The following FGF12 variants were observed in gnomAD, a reference collection of about 807,000 sequenced individuals.
The protein encoded by FGF12 is fibroblast growth factor 12B.
In FGF12, 14 loss-of-function variants were observed where a neutral mutation model predicts 23.6. That is an observed-to-expected ratio of 0.59 (90% CI 0.39 to 0.93). The LOEUF is 0.93. Among genes scored for constraint, FGF12 ranks in the 40% least tolerant of loss-of-function variants. The probability of loss-of-function intolerance (pLI) is 0.00; values close to 1 mark genes in which losing one functional copy is unlikely to be tolerated. For synonymous variants in FGF12, 62 were observed against 77.3 expected, an observed-to-expected ratio of 0.80 and a Z score of 1.04; for missense variants, 175 against 217.8, an observed-to-expected ratio of 0.80 and a Z score of 1.24.
At chr3:192,276,117 C>T (rs1384003019) in intron 4 of FGF12, among the ~76,000 whole-genome samples, 2 of 152,214 alleles carry the variant, frequency 1.3e-5, no homozygotes. Flanking sequence ...TAAAGAGGCT[C>T]ATATATGCAG....
At chr3:192,684,972 C>T (rs919419874) in intron 2 of FGF12, among the ~76,000 whole-genome samples, 1 of 152,154 alleles carries the variant, frequency 6.6e-6, no homozygotes, top group Admixed American at 6.5e-5. Context: ...GCATATTTAC[C>T]TCCTTGTGCC....
Position 192,154,528 on chromosome 3 carries a change from TAACA to T in FGF12, c.428-10405_428-10402del, listed in dbSNP as rs933652799. ...CCTTTCTGTTTGTTAGTTTTCCTTC[TAACA>T]GACAGGACCCTCAGCTGCAGGTCTG... On this transcript the variant is annotated intron_variant, in intron 5 of 5. Transcript: ENST00000445105. Among the ~76,000 whole-genome samples, 11 of 150,664 alleles carry T rather than the reference TAACA, an allele frequency of 7.3e-5. No individual in the cohort carries two copies. The Admixed American group carries it at 7.3e-4, about 10-fold the overall frequency.
intron 4 of FGF12, among the ~76,000 whole-genome samples, chr3:192,294,991 T>C (rs565193141): frequency 3.3e-5 from 5 of 152,312 alleles, no homozygotes; most frequent in Admixed American, 3.3e-4. Context: ...GCAGGTTAAT[T>C]ATCCTACCAA....
At chr3:192,707,772 C>A (rs1028863856) in intron 2 of FGF12, among the ~76,000 whole-genome samples, 227 of 103,486 alleles carry the variant, frequency 2.2e-3, no homozygotes, top group African/African-American at 7.5e-3. Context: ...AGAATGAGAA[C>A]AACAGAGAAT....
At chr3:192,468,991 G>A (rs115365866) in intron 2 of FGF12, among the ~76,000 whole-genome samples, 58 of 151,888 alleles carry the variant, frequency 3.8e-4, no homozygotes, top group African/African-American at 1.3e-3. Context: ...CTTTTATCCC[G>A]TGGATTAAAA....
At chr3:192,242,104 A>T (rs1324120451) in intron 4 of FGF12, among the ~76,000 whole-genome samples, 1 of 152,244 alleles carries the variant, frequency 6.6e-6, no homozygotes, top group South Asian at 2.1e-4. Flanking sequence ...TTCAGAAATT[A>T]GTTAAAAATC....
chr3:192,621,167 C>T (rs569530266), intron 2 of FGF12, among the ~76,000 whole-genome samples: 2 of 152,214 alleles, frequency 1.3e-5, no homozygotes, highest in Admixed American at 6.5e-5. Flanking sequence ...GCGCTTTTCC[C>T]TCACCTTTCC....
chr3:192,714,557 C>T (rs1432514127), intron 2 of FGF12, among the ~76,000 whole-genome samples: 4 of 116,474 alleles, frequency 3.4e-5, no homozygotes, highest in African/African-American at 1.1e-4. Flanking sequence ...CTCGCTCTGT[C>T]GCCCAGGCTG....
chr3:192,365,987 A>C (rs1476815863), intron 2 of FGF12, among the ~76,000 whole-genome samples: 3 of 151,974 alleles, frequency 2.0e-5, no homozygotes, highest in East Asian at 1.9e-4. Context: ...AAAAAAAAAA[A>C]AAAAAAAACA....
intron 2 of FGF12, among the ~76,000 whole-genome samples, chr3:192,571,504 C>T (rs548356542): frequency 2.7e-4 from 41 of 152,190 alleles, no homozygotes; most frequent in Non-Finnish European, 5.0e-4. Flanking sequence ...TGCCACGGGG[C>T]GGACGGGACC....
At chr3:192,368,388 T>C (rs1175363307) in intron 2 of FGF12, among the ~76,000 whole-genome samples, 1 of 152,120 alleles carries the variant, frequency 6.6e-6, no homozygotes, top group East Asian at 1.9e-4. Flanking sequence ...TGATAAAAAT[T>C]AAAGCAATAT....
At chr3:192,393,498 T>C (rs924314182) in intron 2 of FGF12, among the ~76,000 whole-genome samples, 33 of 152,218 alleles carry the variant, frequency 2.2e-4, no homozygotes, top group Non-Finnish European at 4.7e-4. Flanking sequence ...TTTTGTATTA[T>C]ACTTCAAATT....
chr3:192,317,754 G>T (rs1017883680), intron 4 of FGF12, among the ~76,000 whole-genome samples: 2 of 152,162 alleles, frequency 1.3e-5, no homozygotes, highest in East Asian at 3.9e-4. Context: ...ACCAGACAGT[G>T]CTCACCACAG....
intron 4 of FGF12, chr3:192,238,701 G>C (rs1392721139): frequency 6.6e-6 from 1 of 152,180 alleles, no homozygotes; most frequent in Non-Finnish European, 1.5e-5. Flanking sequence ...CCAGGCTTTT[G>C]TGTTACATGT....
At chr3:192,179,549 A>AT (rs10608823) in intron 4 of FGF12, among the ~76,000 whole-genome samples, 4,624 of 139,456 alleles carry the variant, frequency 0.033, 257 homozygotes, top group East Asian at 0.26. Flanking sequence ...TGTAAGGTTG[A>AT]TTTTTTTTTT....
intron 2 of FGF12, among the ~76,000 whole-genome samples, chr3:192,627,570 T>G (rs974782305): frequency 7.9e-5 from 12 of 152,286 alleles, no homozygotes; most frequent in South Asian, 2.1e-4. Context: ...TCCTCTGTCC[T>G]TGACAACAAC....
chr3:192,706,149 A>C (rs1432671723), intron 2 of FGF12, among the ~76,000 whole-genome samples: 1 of 152,156 alleles, frequency 6.6e-6, no homozygotes, highest in East Asian at 1.9e-4. Context: ...TAAAAGATGA[A>C]GTTTTGGCAT....
At chr3:192,709,290 A>T (rs1320904404) in intron 2 of FGF12, among the ~76,000 whole-genome samples, 1 of 152,232 alleles carries the variant, frequency 6.6e-6, no homozygotes, top group African/African-American at 2.4e-5. Context: ...AGAAGCAATG[A>T]AAACTCCAAG....
At chr3:192,156,993 C>G (rs1427157543) in intron 5 of FGF12, among the ~76,000 whole-genome samples, 1 of 152,094 alleles carries the variant, frequency 6.6e-6, no homozygotes, top group Non-Finnish European at 1.5e-5. Context: ...TAGATTGAAA[C>G]GGAGAGATTT....
Sources: gnomAD v4.1 joint callset for allele counts (sites outside exome capture counted in the v4.1 genomes callset) on GRCh38, gnomAD v4.1.1 for gene constraint, MANE v1.5 for transcripts, NCBI Gene and HGNC (gene_info 2026-07-23, HGNC 2026-07-21) for gene names.